Variants in PIK3R1 observed in about 807,000 individuals in gnomAD.
PIK3R1 encodes phosphatidylinositol 3-kinase regulatory subunit alpha.
A neutral mutation model predicts 98.0 loss-of-function variants in PIK3R1; 29 were observed. The observed-to-expected ratio is 0.30, with a 90% CI of 0.22 to 0.40. The LOEUF is 0.40. PIK3R1 is among the 10% of genes least tolerant of loss of function. PIK3R1 has a pLI of 1.00. For missense variants in PIK3R1, 596 were observed against 872.7 expected (o/e 0.68, Z 3.99); for synonymous variants, 282 against 311.8 (o/e 0.90, Z 1.01).
intron 1 of PIK3R1, among the ~76,000 whole-genome samples, chr5:68,217,073 C>T (rs938046417): frequency 1.3e-5 from 2 of 152,094 alleles, no homozygotes; most frequent in Non-Finnish European, 2.9e-5. Flanking sequence ...TTGGGGGCTT[C>T]ATGATTTTAG....
rs141537554 is a variant in PIK3R1 at position 68,248,122 on chromosome 5, G to A, written c.334+21113G>A. On this transcript the variant is annotated intron_variant, in intron 2 of 15. Transcript: ENST00000521381. ...TTCTCCTGCCTCAGCTGGGACCACC[G>A]GCACATGCCACTAAGCCCGGCTAAT... Among the ~76,000 whole-genome samples the A allele has an allele frequency of 2.6e-3, 392 of 152,040 alleles. 2 individuals carry two copies. The highest frequency in any genetic ancestry group is 9.1e-3 in the African/African-American group (378 of 41,444).
chr5:68,294,816 G>T lies in PIK3R1; in HGVS notation c.1568+138G>T, dbSNP rs559264238. 230 of 525,384 alleles carry T rather than the reference G, an allele frequency of 4.4e-4. 1 individual carries two copies. Among genetic ancestry groups the T allele is most frequent in the African/African-American group, 4.4e-3 (203 of 46,536 alleles). The allele number at this position is 525,384 out of a possible 1,614,324, so 32.5% of individuals were successfully genotyped here. A position where few individuals can be genotyped will look rare whatever the true frequency, so the allele number is the denominator to read the frequency against. ...ATCACTCTGGGGACTGTGGTGGGGT[G>T]GGGGGAGGAGGGAGGGATAGCATTG... On this transcript the variant is annotated intron_variant, in intron 12 of 15. Transcript: ENST00000521381.
chr5:68,298,313 C>T lies in PIK3R1; in HGVS notation c.*712C>T. The T allele has an allele frequency of 4.3e-6, 1 of 233,140 alleles. No homozygotes were observed. The allele number at this position is 233,140 out of a possible 1,614,324, so 14.4% of individuals were successfully genotyped here. A position where few individuals can be genotyped will look rare whatever the true frequency, so the allele number is the denominator to read the frequency against. On this transcript the variant is annotated 3_prime_UTR_variant, in exon 16 of 16. Transcript: ENST00000521381. ...TGACATTCAGTATATAAAATATGTACATAATATTGGATGACTAACTATCAA... is the reference window on the plus strand; with the variant it reads ...TGACATTCAGTATATAAAATATGTATATAATATTGGATGACTAACTATCAA...
intron 7 of PIK3R1, chr5:68,288,494 G>C: frequency 4.6e-6 from 6 of 1,311,528 alleles, no homozygotes; most frequent in Non-Finnish European, 5.8e-6. Context: ...ACTGCCGGGC[G>C]GGGCGTGGGG....
chr5:68,274,796 C>T (rs1162518703), intron 4 of PIK3R1, among the ~76,000 whole-genome samples: 1 of 152,228 alleles, frequency 6.6e-6, no homozygotes, highest in East Asian at 1.9e-4. Flanking sequence ...AATCAATTTA[C>T]TTGCCAGCAT....
At chr5:68,218,233 G>GT (rs1192145704) in intron 1 of PIK3R1, among the ~76,000 whole-genome samples, 2 of 152,158 alleles carry the variant, frequency 1.3e-5, no homozygotes, top group African/African-American at 4.8e-5. Context: ...GGTGGTATGC[G>GT]TTTATCTTTT....
intron 2 of PIK3R1, among the ~76,000 whole-genome samples, chr5:68,232,281 C>T (rs1744506289): frequency 6.6e-6 from 1 of 152,150 alleles, no homozygotes; most frequent in African/African-American, 2.4e-5. Flanking sequence ...TTTCTGTTAA[C>T]TTTGTTTCCC....
chr5:68,245,707 T>C (rs1187086262), intron 2 of PIK3R1, among the ~76,000 whole-genome samples: 1 of 152,176 alleles, frequency 6.6e-6, no homozygotes, highest in Admixed American at 6.5e-5. Context: ...AAAAATTACT[T>C]TTTAGACTTA....
In PIK3R1 at chr5:68,226,950, C is replaced by T. The variant is rs777106897; in HGVS notation, c.275C>T (p.Pro92Leu). The change falls in exon 2 of 16, where the codon CCT becomes CTT. Residue 92 changes from proline to leucine, a missense_variant. Transcript: ENST00000521381. ...ISPPTPKPRPPRPLPVAPGSS... is the reference protein window; with the variant it reads ...ISPPTPKPRPLRPLPVAPGSS... ...CCTCCCACACCAAAGCCCCGGCCACCTCGGCCTCTTCCTGTTGCACCAGGT... is the reference window on the plus strand; with the variant it reads ...CCTCCCACACCAAAGCCCCGGCCACTTCGGCCTCTTCCTGTTGCACCAGGT... The T allele has an allele frequency of 1.2e-6, 2 of 1,614,104 alleles. No individual in the cohort carries two copies. Among genetic ancestry groups the T allele is most frequent in the Admixed American group, 1.7e-5 (1 of 60,006 alleles).
chr5:68,235,414 A>AAATT (rs1173392528), intron 2 of PIK3R1, among the ~76,000 whole-genome samples: 1 of 146,076 alleles, frequency 6.8e-6, no homozygotes, highest in African/African-American at 2.7e-5. Context: ...ATAAATAAAT[A>AAATT]AATAAATAAA....
chr5:68,284,770 A>G (rs1031307130), intron 7 of PIK3R1, among the ~76,000 whole-genome samples: 2 of 152,304 alleles, frequency 1.3e-5, no homozygotes, highest in South Asian at 4.1e-4. Flanking sequence ...CATAATAATT[A>G]TCTAAATTTT....
In PIK3R1 at chr5:68,235,785, T is replaced by C. The variant is rs115683982; in HGVS notation, c.334+8776T>C. On this transcript the variant is annotated intron_variant, in intron 2 of 15. Coordinates refer to ENST00000521381, the MANE Select transcript of PIK3R1 (RefSeq NM_181523.3). ...ATAGTTTTTGTCTTACACTTCCCTGTGGGTCTGTTTAACTATTGAAAATGT... is the reference window on the plus strand; with the variant it reads ...ATAGTTTTTGTCTTACACTTCCCTGCGGGTCTGTTTAACTATTGAAAATGT... Among the ~76,000 whole-genome samples, 956 of 152,318 alleles carry C rather than the reference T, an allele frequency of 6.3e-3. 10 individuals are homozygous for C. Among genetic ancestry groups the C allele is most frequent in the African/African-American group, 0.022 (907 of 41,564 alleles).
intron 2 of PIK3R1, among the ~76,000 whole-genome samples, chr5:68,271,124 A>C (rs1050374944): frequency 6.6e-6 from 1 of 152,164 alleles, no homozygotes; most frequent in Non-Finnish European, 1.5e-5. Context: ...TTACTAGCCC[A>C]TTCCTGGATG....
At chr5:68,232,727 A>G (rs536468124) in intron 2 of PIK3R1, among the ~76,000 whole-genome samples, 8 of 152,194 alleles carry the variant, frequency 5.3e-5, no homozygotes, top group Non-Finnish European at 1.0e-4. Context: ...ATGTTTGTTC[A>G]GATGCTTTTG....
chr5:68,226,373 G>A lies in PIK3R1; in HGVS notation c.-303G>A, dbSNP rs1561257591. ...AAAGTGTCAGAAAGGATTGGGCCTC[G>A]CTGTGAGAGTCAGCCTGGATTCAAA... On this transcript the variant is annotated 5_prime_UTR_variant, in exon 2 of 16. Transcript: ENST00000521381. The A allele has an allele frequency of 4.4e-6, 2 of 459,474 alleles. No homozygotes were observed. Among genetic ancestry groups the A allele is most frequent in the Non-Finnish European group, 3.8e-6 (1 of 261,096 alleles). 28.5% of individuals were successfully genotyped at this position (459,474 alleles called of 1,614,324 possible).
rs146222065 is a variant in PIK3R1 at position 68,299,574 on chromosome 5, A to G, written c.*1973A>G. The stretch of plus-strand genomic sequence containing the variant: ...TTGGGAGGCATAAAGACTAATTAGC[A>G]ACCATAATATGGTCACTACCCTAAT... On this transcript the variant is annotated 3_prime_UTR_variant, in exon 16 of 16. Transcript: ENST00000521381. 2.1e-3 allele frequency: 486 copies of G among 233,274 alleles called. 1 individual carries two copies. The highest frequency in any genetic ancestry group is 0.01 in the African/African-American group (458 of 45,462). 14.5% of individuals were successfully genotyped at this position (233,274 alleles called of 1,614,324 possible).
At chr5:68,287,913 TG>T (rs919984817) in intron 7 of PIK3R1, among the ~76,000 whole-genome samples, 2 of 152,164 alleles carry the variant, frequency 1.3e-5, no homozygotes, top group African/African-American at 2.4e-5. Flanking sequence ...TGAACATTTT[TG>T]TAATCTCCTC....
rs144238662 is a variant in PIK3R1 at position 68,293,137 on chromosome 5, C to T, written c.1056C>T (p.Asp352=). The change falls in exon 9 of 16, where the codon GAC becomes GAT. Residue 352 remains aspartate (D), a synonymous_variant. Coordinates refer to ENST00000521381, the MANE Select transcript of PIK3R1 (RefSeq NM_181523.3). ...ATGAAAAACTTCGAGATACAGCAGA[C>T]GGGACCTTTTTGGTACGAGATGCGT... ...EVNEKLRDTA[D]GTFLVRDAST... The T allele has an allele frequency of 2.0e-5, 32 of 1,613,724 alleles. No individual in the cohort carries two copies. Among genetic ancestry groups the T allele is most frequent in the African/African-American group, 1.2e-4 (9 of 74,998 alleles).
Position 68,295,466 on chromosome 5 carries a change from T to C in PIK3R1, c.1792T>C (p.Leu598=), listed in dbSNP as rs766147134. Residue 598 remains leucine (L), a synonymous_variant, in exon 14 of 16, where the codon TTG becomes CTG. Coordinates refer to ENST00000521381, the MANE Select transcript of PIK3R1 (RefSeq NM_181523.3). ...GVRQKKLNEW[L]GNENTEDQYS... The stretch of plus-strand genomic sequence containing the variant: ...TCGGCAAAAGAAGTTGAACGAGTGG[T>C]TGGGCAATGAAAACACTGAAGAGTA... 6.2e-7 allele frequency: 1 copy of C among 1,614,142 alleles called. No individual in the cohort carries two copies. Among genetic ancestry groups the C allele is most frequent in the South Asian group, 1.1e-5 (1 of 91,084 alleles).
Sources: allele counts gnomAD v4.1 joint callset (sites outside exome capture counted in the v4.1 genomes callset), GRCh38; gene constraint gnomAD v4.1.1; transcripts MANE v1.5; gene names NCBI Gene and HGNC (gene_info 2026-07-23, HGNC 2026-07-21).